TMEM272: variants seen among roughly 807,000 people sequenced by gnomAD.
The protein encoded by TMEM272 is transmembrane protein 272.
A neutral mutation model predicts 3.7 loss-of-function variants in TMEM272; 8 were observed. The ratio of observed to expected loss-of-function variants is 2.17; its 90% CI spans 1.27 to 3.91. The LOEUF is 3.91. Among genes scored for constraint, TMEM272 ranks in the 30% most tolerant of loss-of-function variants. TMEM272 has a pLI of 0.00. For synonymous variants in TMEM272, 63 were observed against 39.8 expected, an observed-to-expected ratio of 1.58 and a Z score of -2.20; for missense variants, 166 against 91.5, an observed-to-expected ratio of 1.81 and a Z score of -3.32.
chr13:51,851,979 T>G, the TMEM272 span, among the ~76,000 whole-genome samples: 1 of 152,252 alleles, frequency 6.6e-6, no homozygotes, highest in East Asian at 1.9e-4. Flanking sequence ...CTTTCTGTAA[T>G]TGTGTACATG....
the TMEM272 span, among the ~76,000 whole-genome samples, chr13:51,872,768 G>A: frequency 6.6e-6 from 1 of 152,242 alleles, no homozygotes; most frequent in Non-Finnish European, 1.5e-5. Context: ...CACCACTGGA[G>A]GGTGTTAGAA....
the TMEM272 span, among the ~76,000 whole-genome samples, chr13:51,885,188 G>C: frequency 0.9 from 137,072 of 152,284 alleles, 62,169 homozygotes; most frequent in East Asian, 0.97. Context: ...AACAGGAAAA[G>C]ACTCATTTGT....
At chr13:51,912,145 T>C in the TMEM272 span, among the ~76,000 whole-genome samples, 2 of 152,146 alleles carry the variant, frequency 1.3e-5, no homozygotes, top group African/African-American at 2.4e-5. Context: ...AACCACAGAT[T>C]CATCTATTTG....
the TMEM272 span, among the ~76,000 whole-genome samples, chr13:51,930,255 C>A: frequency 6.6e-6 from 1 of 152,004 alleles, no homozygotes; most frequent in Non-Finnish European, 1.5e-5. Context: ...TCCATTAATT[C>A]TTTTCATCTT....
the TMEM272 span, among the ~76,000 whole-genome samples, chr13:51,868,500 G>C: frequency 1.3e-5 from 2 of 152,244 alleles, no homozygotes; most frequent in African/African-American, 2.4e-5. Context: ...TTCACAGATA[G>C]AGTGCAGATA....
At chr13:51,879,072 G>A in the TMEM272 span, among the ~76,000 whole-genome samples, 1 of 152,142 alleles carries the variant, frequency 6.6e-6, no homozygotes, top group Non-Finnish European at 1.5e-5. Context: ...AGATTTTTGA[G>A]CTTTGTAACC....
the TMEM272 span, among the ~76,000 whole-genome samples, chr13:51,872,803 T>C: frequency 2.6e-5 from 4 of 152,258 alleles, no homozygotes; most frequent in East Asian, 1.9e-4. Context: ...GAAACATTAA[T>C]GTCAAAATTC....
the TMEM272 span, among the ~76,000 whole-genome samples, chr13:51,856,209 G>A: frequency 2.6e-5 from 4 of 152,116 alleles, no homozygotes; most frequent in Middle Eastern, 3.2e-3. Context: ...ATGGATTCAG[G>A]CAGGATCAGT....
chr13:51,912,483 TG>T, the TMEM272 span, among the ~76,000 whole-genome samples: 1 of 152,210 alleles, frequency 6.6e-6, no homozygotes, highest in Non-Finnish European at 1.5e-5. Flanking sequence ...TGTGGGGGAC[TG>T]GAGAGAGGGT....
intron 3 of TMEM272, among the ~76,000 whole-genome samples, chr13:51,825,675 C>T (rs1416633820): frequency 6.6e-6 from 1 of 150,482 alleles, no homozygotes; most frequent in Non-Finnish European, 1.5e-5. Context: ...AGTCCTGTTG[C>T]CCAGGCTGGA....
chr13:51,865,474 C>A, the TMEM272 span: 1 of 1,614,214 alleles, frequency 6.2e-7, no homozygotes, highest in African/African-American at 1.3e-5. Context: ...TGGCGGCATC[C>A]TCTCCCAGTA....
the TMEM272 span, among the ~76,000 whole-genome samples, chr13:51,926,112 G>A: frequency 1.3e-5 from 2 of 151,710 alleles, no homozygotes; most frequent in East Asian, 3.9e-4. Flanking sequence ...TGTGGTGTGT[G>A]TGTGTGGTGT....
chr13:51,906,546 T>C, the TMEM272 span, among the ~76,000 whole-genome samples: 1 of 152,238 alleles, frequency 6.6e-6, no homozygotes, highest in Non-Finnish European at 1.5e-5. Context: ...CCTAATTGCA[T>C]ATGCTTTACA....
At chr13:51,849,935 G>C (rs1289329485), upstream of TMEM272, among the ~76,000 whole-genome samples, 10 of 152,198 alleles carry the variant, frequency 6.6e-5, no homozygotes, top group Admixed American at 5.9e-4. Context: ...TCAGAAACAG[G>C]ATGGACACAG....
the TMEM272 span, among the ~76,000 whole-genome samples, chr13:51,876,826 A>C: frequency 6.6e-6 from 1 of 152,196 alleles, no homozygotes; most frequent in Non-Finnish European, 1.5e-5. Context: ...GATTCCATTA[A>C]ACAGACAATC....
At chr13:51,839,679 T>A (rs1956244992) in intron 1 of TMEM272, among the ~76,000 whole-genome samples, 1 of 152,034 alleles carries the variant, frequency 6.6e-6, no homozygotes, top group East Asian at 1.9e-4. Context: ...TGGGGAAGAT[T>A]TGTGGTCTGA....
At chr13:51,826,894 C>G (rs1318689337) in intron 2 of TMEM272, among the ~76,000 whole-genome samples, 1 of 151,196 alleles carries the variant, frequency 6.6e-6, no homozygotes, top group Non-Finnish European at 1.5e-5. Context: ...CCAAGTCTGA[C>G]AGCTTATGGA....
the TMEM272 span, among the ~76,000 whole-genome samples, chr13:51,889,978 G>A: frequency 6.6e-6 from 1 of 152,124 alleles, no homozygotes; most frequent in Non-Finnish European, 1.5e-5. Flanking sequence ...CAAGAGGATA[G>A]GAACAATTAA....
the TMEM272 span, among the ~76,000 whole-genome samples, chr13:51,871,192 C>CTTT: frequency 5.8e-5 from 8 of 137,620 alleles, no homozygotes; most frequent in African/African-American, 8.1e-5. Flanking sequence ...CAGAGTATGA[C>CTTT]TTTTTTTTTT....
Sources: allele counts gnomAD v4.1 joint callset (sites outside exome capture counted in the v4.1 genomes callset), GRCh38; gene constraint gnomAD v4.1.1; transcripts MANE v1.5; gene names NCBI Gene and HGNC (gene_info 2026-07-23, HGNC 2026-07-21).